Variants in PTPRT observed in about 807,000 individuals in gnomAD.
PTPRT encodes receptor-type tyrosine-protein phosphatase T.
In PTPRT, 56 loss-of-function variants were observed where a neutral mutation model predicts 176.8. That is an observed-to-expected ratio of 0.32 (90% confidence interval 0.26 to 0.40). The LOEUF (loss-of-function observed/expected upper bound fraction) is 0.40. Ranked by LOEUF, PTPRT falls within the 10% of genes least tolerant of loss-of-function variation. The pLI, the probability that PTPRT is intolerant of heterozygous loss-of-function variation, is 1.00. For synonymous variants in PTPRT, 783 were observed against 739.0 expected (o/e 1.06, Z -0.96); for missense variants, 1,540 against 1,908.2 (o/e 0.81, Z 3.60).
chr20:42,522,871 A>G (rs1313369410), intron 7 of PTPRT, among the ~76,000 whole-genome samples: 1 of 152,116 alleles, frequency 6.6e-6, no homozygotes, highest in Non-Finnish European at 1.5e-5. Context: ...ATAGTCCAAA[A>G]TTTCATTTCT....
At chr20:43,067,867 G>A (rs1183192287) in intron 1 of PTPRT, among the ~76,000 whole-genome samples, 4 of 141,630 alleles carry the variant, frequency 2.8e-5, no homozygotes, top group Non-Finnish European at 1.5e-5. Context: ...TCAAGAGGCT[G>A]AGGCAAGAGG....
chr20:43,002,502 C>T (rs887453874), intron 1 of PTPRT, among the ~76,000 whole-genome samples: 5 of 152,132 alleles, frequency 3.3e-5, no homozygotes, highest in African/African-American at 1.2e-4. Context: ...ACCAAGAAAA[C>T]ACCATTAAGT....
chr20:42,666,370 CA>C (rs150673316), intron 7 of PTPRT, among the ~76,000 whole-genome samples: 8,275 of 151,264 alleles, frequency 0.055, 705 homozygotes, highest in African/African-American at 0.18. Context: ...ATTCATGCAT[CA>C]AAAAAAAATT....
intron 2 of PTPRT, among the ~76,000 whole-genome samples, chr20:42,812,522 G>T (rs2077713891): frequency 6.6e-6 from 1 of 152,110 alleles, no homozygotes; most frequent in Non-Finnish European, 1.5e-5. Context: ...GGAGGATATG[G>T]AGCAACTGGA....
At chr20:42,199,131 C>A in intron 16 of PTPRT, 109 bp downstream of exon 16, 1 of 1,330,682 alleles carries the variant, frequency 7.5e-7, no homozygotes, top group South Asian at 1.5e-5. Context: ...AGGCAAGCAT[C>A]CATACCCTAT....
chr20:43,059,495 AG>A (rs1987368535), intron 1 of PTPRT, among the ~76,000 whole-genome samples: 1 of 152,216 alleles, frequency 6.6e-6, no homozygotes, highest in African/African-American at 2.4e-5. Flanking sequence ...CCGCTTGATA[AG>A]AGATTGTCTT....
rs952973807 is a variant in PTPRT at position 42,237,946 on chromosome 20, G to A, written c.2313-1688C>T. Among the ~76,000 whole-genome samples the A allele has an allele frequency of 1.4e-4, 22 of 152,250 alleles. No homozygotes were observed. The East Asian group carries it at 4.1e-3, about 28-fold the overall frequency. Reference sequence around the variant, plus strand: ...CATTTGCTTGGTACAGGAAAATACAGTCGTTATAACTGCAGAGTGGGGGAT... The same window carrying A: ...CATTTGCTTGGTACAGGAAAATACAATCGTTATAACTGCAGAGTGGGGGAT... On this transcript the variant is annotated intron_variant, in intron 14 of 30. Coordinates refer to ENST00000373187, the MANE Select transcript of PTPRT (RefSeq NM_007050.6).
At chr20:42,746,699 C>T (rs1033317641) in intron 6 of PTPRT, among the ~76,000 whole-genome samples, 2 of 151,954 alleles carry the variant, frequency 1.3e-5, no homozygotes, top group African/African-American at 4.8e-5. Flanking sequence ...AACCAAAGCA[C>T]CAGCATATTT....
At chr20:42,533,527 T>C (rs1321186583) in intron 7 of PTPRT, among the ~76,000 whole-genome samples, 1 of 151,968 alleles carries the variant, frequency 6.6e-6, no homozygotes, top group African/African-American at 2.4e-5. Flanking sequence ...TGCACTTATC[T>C]GGTAAACAGG....
chr20:42,443,027 G>A (rs1228671782), intron 9 of PTPRT, among the ~76,000 whole-genome samples: 1 of 152,146 alleles, frequency 6.6e-6, no homozygotes, highest in African/African-American at 2.4e-5. Flanking sequence ...CCCAAAAGCA[G>A]GGTTCTGGAA....
chr20:42,891,990 G>A (rs982509378), intron 1 of PTPRT, among the ~76,000 whole-genome samples: 5 of 152,212 alleles, frequency 3.3e-5, no homozygotes, highest in Non-Finnish European at 5.9e-5. Flanking sequence ...AAATAAATGA[G>A]TGTGGCTGTG....
At chr20:42,995,614 C>G (rs1408535760) in intron 1 of PTPRT, among the ~76,000 whole-genome samples, 1 of 152,154 alleles carries the variant, frequency 6.6e-6, no homozygotes, top group African/African-American at 2.4e-5. Flanking sequence ...AATGTCAGGC[C>G]TTTCCGAGTC....
intron 7 of PTPRT, among the ~76,000 whole-genome samples, chr20:42,546,977 C>T (rs112566622): frequency 2.3e-4 from 35 of 152,080 alleles, no homozygotes; most frequent in African/African-American, 7.5e-4. Flanking sequence ...ATTACTGAAA[C>T]GTAACACAGA....
chr20:42,343,173 G>A (rs777524598), intron 11 of PTPRT, among the ~76,000 whole-genome samples: 5 of 152,032 alleles, frequency 3.3e-5, no homozygotes, highest in Admixed American at 6.5e-5. Context: ...TAGACCACAC[G>A]CCAGGTTGCA....
At chr20:42,739,084 A>G (rs1285199960) in intron 6 of PTPRT, among the ~76,000 whole-genome samples, 1 of 152,132 alleles carries the variant, frequency 6.6e-6, no homozygotes, top group African/African-American at 2.4e-5. Context: ...AACAAAAACA[A>G]AATGGCAAAT....
intron 7 of PTPRT, among the ~76,000 whole-genome samples, chr20:42,657,044 G>A (rs1451444690): frequency 6.6e-6 from 1 of 152,078 alleles, no homozygotes; most frequent in Admixed American, 6.6e-5. Context: ...ATTGAATCAT[G>A]GGAGTGGTTG....
At position 42,893,247 on chromosome 20, in the gene PTPRT, G is replaced by A. The variant is rs539394853; in HGVS notation, c.89-7315C>T. Among the ~76,000 whole-genome samples, 1,036 of 152,216 alleles carry A rather than the reference G, an allele frequency of 6.8e-3. 14 individuals carry two copies. The highest frequency in any genetic ancestry group is 0.024 in the African/African-American group (1,000 of 41,534). Reference sequence around the variant, plus strand: ...AAAGAAGACGTTTATGCAGCCAAAAGACACATGAAAAAATGCTCATCATCA... The same window carrying A: ...AAAGAAGACGTTTATGCAGCCAAAAAACACATGAAAAAATGCTCATCATCA... On this transcript the variant is annotated intron_variant, in intron 1 of 30. Coordinates refer to ENST00000373187, the MANE Select transcript of PTPRT (RefSeq NM_007050.6).
intron 6 of PTPRT, among the ~76,000 whole-genome samples, chr20:42,730,445 G>C (rs935698298): frequency 1.3e-5 from 2 of 152,130 alleles, no homozygotes; most frequent in Admixed American, 1.3e-4. Flanking sequence ...AGAATAGAGG[G>C]AAAATTGGAC....
intron 7 of PTPRT, among the ~76,000 whole-genome samples, chr20:42,571,293 A>AAAGAAGGAT (rs1409397276): frequency 6.6e-6 from 1 of 152,176 alleles, no homozygotes; most frequent in Non-Finnish European, 1.5e-5. Context: ...TCTAAATAGG[A>AAAGAAGGAT]AAGAAGGATA....
Sources: gnomAD v4.1 joint callset for allele counts (sites outside exome capture counted in the v4.1 genomes callset) on GRCh38, gnomAD v4.1.1 for gene constraint, MANE v1.5 for transcripts, NCBI Gene and HGNC (gene_info 2026-07-23, HGNC 2026-07-21) for gene names.